CCDC102B: variants seen among roughly 807,000 people sequenced by gnomAD.
CCDC102B encodes coiled-coil domain-containing protein 102B.
Under a neutral mutation model 57.4 loss-of-function variants are expected in CCDC102B, and 75 were observed. That is an observed-to-expected ratio of 1.31 (90% CI 1.08 to 1.58). CCDC102B has a LOEUF of 1.58. CCDC102B is among the 40% of genes most tolerant of loss of function. CCDC102B has a pLI of 0.00. For missense variants in CCDC102B, 636 were observed against 582.6 expected, an observed-to-expected ratio of 1.09 and a Z score of -0.94; for synonymous variants, 206 against 201.9, an observed-to-expected ratio of 1.02 and a Z score of -0.17.
chr18:68,857,371 A>C (rs1330129778), intron 4 of CCDC102B, among the ~76,000 whole-genome samples: 1 of 110,784 alleles, frequency 9.0e-6, no homozygotes, highest in Non-Finnish European at 1.7e-5. Context: ...ATTTATTTCT[A>C]TATATAAATA....
chr18:68,998,993 T>G lies in CCDC102B; in HGVS notation c.1264-11941T>G, dbSNP rs976408417. 4.9e-3 allele frequency among the ~76,000 whole-genome samples: 265 copies of G among 54,578 alleles called. 1 individual carries two copies. The highest frequency in any genetic ancestry group is 0.022 in the Middle Eastern group (2 of 92). The allele number at this position is 54,578 out of a possible 152,430, so 35.8% of individuals were successfully genotyped here. On this transcript the variant is annotated intron_variant, in intron 6 of 7. Coordinates refer to ENST00000360242, the MANE Select transcript of CCDC102B (RefSeq NM_024781.3). ...ATATATATATATATATATATATATATATATATAGAGAGAGAGAGAGAGAGA... is the reference window on the plus strand; with the variant it reads ...ATATATATATATATATATATATATAGATATATAGAGAGAGAGAGAGAGAGA...
intron 6 of CCDC102B, among the ~76,000 whole-genome samples, chr18:68,963,994 G>A (rs1000350352): frequency 1.3e-5 from 2 of 151,722 alleles, no homozygotes; most frequent in South Asian, 2.1e-4. Flanking sequence ...ATGTATTATG[G>A]CAGAGATGTC....
intron 4 of CCDC102B, among the ~76,000 whole-genome samples, chr18:68,863,914 T>A (rs2038866033): frequency 6.6e-6 from 1 of 151,958 alleles, no homozygotes; most frequent in African/African-American, 2.4e-5. Context: ...TCTCACTTCA[T>A]AGAATGACAA....
At chr18:68,838,337 TG>T in intron 2 of CCDC102B, 1 of 842,902 alleles carries the variant, frequency 1.2e-6, no homozygotes, top group Non-Finnish European at 1.4e-6. Context: ...ATGATTGCTT[TG>T]AAACTGTAAG....
intron 5 of CCDC102B, among the ~76,000 whole-genome samples, chr18:68,894,985 T>A (rs115297537): frequency 2.6e-4 from 39 of 152,092 alleles, no homozygotes; most frequent in African/African-American, 9.1e-4. Flanking sequence ...TGACACAGCA[T>A]ATTTGTCCTT....
chr18:69,015,827 A>T (rs553222577), intron 7 of CCDC102B, among the ~76,000 whole-genome samples: 1 of 152,140 alleles, frequency 6.6e-6, no homozygotes, highest in Admixed American at 6.5e-5. Flanking sequence ...TTGAATACAT[A>T]TTACATTATA....
chr18:68,866,936 G>A, intron 4 of CCDC102B: 1 of 503,236 alleles, frequency 2.0e-6, no homozygotes, highest in Non-Finnish European at 3.9e-6. Flanking sequence ...GTGGTACCCG[G>A]GAATAGCCTT....
chr18:68,999,015 G>T (rs1432948171), intron 6 of CCDC102B, among the ~76,000 whole-genome samples: 4 of 147,806 alleles, frequency 2.7e-5, no homozygotes, highest in African/African-American at 7.5e-5. Flanking sequence ...GAGAGAGAGA[G>T]AGAGAGAGAG....
chr18:68,795,134 A>T (rs1165803809), upstream of CCDC102B, among the ~76,000 whole-genome samples: 1 of 152,090 alleles, frequency 6.6e-6, no homozygotes, highest in Non-Finnish European at 1.5e-5. Flanking sequence ...ACGGGTTATT[A>T]AATTTGAATG....
chr18:68,821,765 G>T (rs2036700376), intron 1 of CCDC102B, among the ~76,000 whole-genome samples: 1 of 151,678 alleles, frequency 6.6e-6, no homozygotes, highest in Non-Finnish European at 1.5e-5. Context: ...ATGTTAATTA[G>T]TAACTGAAAC....
intron 2 of CCDC102B, among the ~76,000 whole-genome samples, chr18:68,781,142 C>A (rs1207818752): frequency 6.6e-6 from 1 of 151,938 alleles, no homozygotes; most frequent in East Asian, 1.9e-4. Flanking sequence ...CTAACAACAT[C>A]ATGAAAAGTA....
intron 6 of CCDC102B, among the ~76,000 whole-genome samples, chr18:68,967,020 C>T (rs781090497): frequency 1.8e-4 from 27 of 152,004 alleles, no homozygotes; most frequent in African/African-American, 6.5e-4. Flanking sequence ...GACAGAAACA[C>T]GAGGGAAATA....
At chr18:68,814,153 A>G (rs537762827) in intron 1 of CCDC102B, among the ~76,000 whole-genome samples, 1 of 152,330 alleles carries the variant, frequency 6.6e-6, no homozygotes, top group Non-Finnish European at 1.5e-5. Context: ...GTTTTGCTTT[A>G]AGAAAACAGA....
chr18:69,026,370 G>A (rs2051990655), intron 7 of CCDC102B, among the ~76,000 whole-genome samples: 1 of 151,622 alleles, frequency 6.6e-6, no homozygotes, highest in Non-Finnish European at 1.5e-5. Flanking sequence ...AGGAGGCTGA[G>A]GCAGGAGAAT....
chr18:68,726,039 A>C (rs377402735), intron 2 of CCDC102B, among the ~76,000 whole-genome samples: 48 of 152,312 alleles, frequency 3.2e-4, no homozygotes, highest in African/African-American at 1.1e-3. Context: ...ATTCAGGGTG[A>C]TAGAATTAAT....
rs143736646 is a variant in CCDC102B, at chr18:68,759,696, G to A, written c.-67+43102G>A. Among the ~76,000 whole-genome samples, 670 of 152,068 alleles carry A rather than the reference G, an allele frequency of 4.4e-3. 7 individuals are homozygous for A. Among genetic ancestry groups the A allele is most frequent in the Non-Finnish European group, 6.8e-3 (464 of 67,966 alleles). On this transcript the variant is annotated intron_variant, in intron 2 of 3. Transcript: ENST00000578970. ...TTTATTTTTATAAGTCCTTTCTATC[G>A]AATGTAGATTTTTGCCAAAATGAGG...
intron 3 of CCDC102B, among the ~76,000 whole-genome samples, chr18:68,839,460 T>C (rs2037527736): frequency 6.6e-6 from 1 of 152,234 alleles, no homozygotes; most frequent in South Asian, 2.1e-4. Context: ...AAAATAGCTG[T>C]AGTGCTGTTA....
intron 6 of CCDC102B, among the ~76,000 whole-genome samples, chr18:68,988,219 G>GA (rs1288958627): frequency 1.5e-4 from 23 of 150,096 alleles, no homozygotes; most frequent in African/African-American, 5.5e-4. Context: ...GCCATAAAAG[G>GA]GAAAAAAAAA....
intron 7 of CCDC102B, among the ~76,000 whole-genome samples, chr18:69,014,978 A>AGAGT (rs139377520): frequency 0.021 from 2,890 of 139,358 alleles, 89 homozygotes; most frequent in African/African-American, 0.068. Flanking sequence ...AGAGAGAGAG[A>AGAGT]GTGTGTGTGT....
Sources: gnomAD v4.1 joint callset for allele counts (sites outside exome capture counted in the v4.1 genomes callset) on GRCh38, gnomAD v4.1.1 for gene constraint, MANE v1.5 for transcripts, NCBI Gene and HGNC (gene_info 2026-07-23, HGNC 2026-07-21) for gene names.